Variants in DCC observed in about 807,000 individuals in gnomAD.
DCC encodes netrin receptor DCC.
In DCC, 58 loss-of-function variants were observed where a neutral mutation model predicts 172.5. The ratio of observed to expected loss-of-function variants is 0.34; its 90% CI spans 0.27 to 0.42. The LOEUF (loss-of-function observed/expected upper bound fraction) is 0.42, where lower values mean the gene tolerates loss of function less well. Ranked by LOEUF, DCC falls within the 10% of genes least tolerant of loss-of-function variation. The pLI, the probability that DCC is intolerant of heterozygous loss-of-function variation, is 1.00. For synonymous variants in DCC, 709 were observed against 644.5 expected, an observed-to-expected ratio of 1.10 and a Z score of -1.52; for missense variants, 1,740 against 1,791.0, an observed-to-expected ratio of 0.97 and a Z score of 0.51.
chr18:53,291,205 T>C (rs1204650324), intron 12 of DCC, among the ~76,000 whole-genome samples: 5 of 152,094 alleles, frequency 3.3e-5, no homozygotes, highest in Non-Finnish European at 4.4e-5. Context: ...GTATAAGATA[T>C]TGTAAAAATT....
At chr18:52,372,393 A>T (rs1244436849) in intron 1 of DCC, among the ~76,000 whole-genome samples, 1 of 152,210 alleles carries the variant, frequency 6.6e-6, no homozygotes, top group Non-Finnish European at 1.5e-5. Flanking sequence ...TTATGAGGAC[A>T]GTGCTGTAGG....
chr18:53,402,799 T>C lies in DCC; in HGVS notation c.2841T>C (p.Ala947=). The change falls in exon 19 of 29, where the codon GCT becomes GCC. Residue 947 remains alanine (A), a synonymous_variant. Transcript: ENST00000442544. ...CTCACCTCACAGCCCCCACCTCTGC[T>C]CCCAAGGACTTGACAGTCATTACTA... The part of the protein sequence containing the change: ...ATTYEAAPTS[A]PKDLTVITRE... 1 of 1,613,806 alleles carries C rather than the reference T, an allele frequency of 6.2e-7. No individual in the cohort carries two copies. Among genetic ancestry groups the C allele is most frequent in the Non-Finnish European group, 8.5e-7 (1 of 1,179,750 alleles).
At chr18:52,584,669 G>T (rs553782738) in intron 1 of DCC, among the ~76,000 whole-genome samples, 2 of 152,182 alleles carry the variant, frequency 1.3e-5, no homozygotes, top group Admixed American at 1.3e-4. Context: ...CTGAGGAGCT[G>T]GGACTACAGG....
At chr18:52,444,701 T>G (rs1233464634) in intron 1 of DCC, among the ~76,000 whole-genome samples, 1 of 152,202 alleles carries the variant, frequency 6.6e-6, no homozygotes, top group East Asian at 1.9e-4. Context: ...GATCTATTGT[T>G]TAGAAATCTA....
intron 13 of DCC, among the ~76,000 whole-genome samples, chr18:53,318,400 A>C (rs1431367564): frequency 1.3e-5 from 2 of 152,114 alleles, no homozygotes; most frequent in East Asian, 1.9e-4. Context: ...TTTTACCTCC[A>C]ATTATGTGGT....
chr18:53,274,677 A>G (rs2056786467), intron 12 of DCC, among the ~76,000 whole-genome samples: 1 of 152,122 alleles, frequency 6.6e-6, no homozygotes, highest in Non-Finnish European at 1.5e-5. Flanking sequence ...TTGAACACCT[A>G]TTCGTATTAC....
At chr18:52,984,033 A>G (rs1303667562) in intron 5 of DCC, among the ~76,000 whole-genome samples, 1 of 152,142 alleles carries the variant, frequency 6.6e-6, no homozygotes, top group Non-Finnish European at 1.5e-5. Flanking sequence ...TATGGAACAA[A>G]TACACAAATA....
intron 12 of DCC, among the ~76,000 whole-genome samples, chr18:53,286,908 A>T (rs1248908890): frequency 6.6e-6 from 1 of 152,130 alleles, no homozygotes; most frequent in African/African-American, 2.4e-5. Flanking sequence ...ATATAACAAG[A>T]CTGGCAATAT....
At chr18:53,055,405 A>C (rs993982360) in intron 5 of DCC, among the ~76,000 whole-genome samples, 5 of 152,288 alleles carry the variant, frequency 3.3e-5, no homozygotes, top group African/African-American at 1.2e-4. Context: ...ACCCAAGCAC[A>C]TTCCCCTCAT....
intron 25 of DCC, among the ~76,000 whole-genome samples, chr18:53,474,638 G>T (rs929955600): frequency 1.3e-5 from 2 of 152,164 alleles, no homozygotes; most frequent in Admixed American, 1.3e-4. Context: ...CTTCTGCCAT[G>T]ATTGTAAGGT....
chr18:52,432,221 T>C (rs1987648661), intron 1 of DCC, among the ~76,000 whole-genome samples: 1 of 152,166 alleles, frequency 6.6e-6, no homozygotes, highest in East Asian at 1.9e-4. Context: ...GGTTATTTAA[T>C]AATGCATGGC....
At chr18:52,979,242 G>C (rs768574950) in intron 5 of DCC, among the ~76,000 whole-genome samples, 2 of 152,174 alleles carry the variant, frequency 1.3e-5, no homozygotes, top group Non-Finnish European at 2.9e-5. Flanking sequence ...CATTAAGGTA[G>C]TTTCCTATGA....
At chr18:52,641,896 C>T (rs749099165) in intron 1 of DCC, among the ~76,000 whole-genome samples, 2 of 151,510 alleles carry the variant, frequency 1.3e-5, no homozygotes, top group African/African-American at 4.9e-5. Flanking sequence ...AGTCATGATT[C>T]GAAAAAGATA....
chr18:52,572,965 A>G (rs2033334573), intron 1 of DCC, among the ~76,000 whole-genome samples: 1 of 152,220 alleles, frequency 6.6e-6, no homozygotes, highest in South Asian at 2.1e-4. Context: ...AATGCCTCTT[A>G]AAAGTGTTTA....
At chr18:52,920,657 C>T (rs960484854) in intron 3 of DCC, among the ~76,000 whole-genome samples, 2 of 152,152 alleles carry the variant, frequency 1.3e-5, no homozygotes, top group Non-Finnish European at 2.9e-5. Flanking sequence ...TTTTACCATA[C>T]AATCTAGCTA....
chr18:53,353,836 T>C (rs540079607), intron 15 of DCC, among the ~76,000 whole-genome samples: 2 of 152,154 alleles, frequency 1.3e-5, no homozygotes, highest in African/African-American at 4.8e-5. Context: ...TTGTTACATA[T>C]GTATACATGT....
chr18:53,286,477 C>T (rs1011082149), intron 12 of DCC, among the ~76,000 whole-genome samples: 1 of 152,188 alleles, frequency 6.6e-6, no homozygotes, highest in Non-Finnish European at 1.5e-5. Context: ...TGACTTGGAA[C>T]TGTAAGTCCA....
At chr18:52,451,535 G>A (rs1016844529) in intron 1 of DCC, among the ~76,000 whole-genome samples, 2 of 152,108 alleles carry the variant, frequency 1.3e-5, no homozygotes, top group East Asian at 1.9e-4. Context: ...AATCGGAAAA[G>A]GTTAAAGTAG....
intron 1 of DCC, among the ~76,000 whole-genome samples, chr18:52,417,215 G>C (rs1987068393): frequency 1.3e-5 from 2 of 152,228 alleles, no homozygotes; most frequent in Middle Eastern, 3.4e-3. Context: ...CTCTCTTCTG[G>C]CTTGTAGAGT....
Sources: allele counts gnomAD v4.1 joint callset (sites outside exome capture counted in the v4.1 genomes callset), GRCh38; gene constraint gnomAD v4.1.1; transcripts MANE v1.5; gene names NCBI Gene and HGNC (gene_info 2026-07-23, HGNC 2026-07-21).